NEGR1: variants seen among roughly 807,000 people sequenced by gnomAD.
The protein encoded by NEGR1 is IgLON family member 4.
NEGR1 carries 10 observed loss-of-function variants against 40.9 expected under a neutral mutation model. The observed-to-expected ratio is 0.24, with a 90% confidence interval of 0.15 to 0.42. The LOEUF is 0.42. NEGR1 is among the 10% of genes least tolerant of loss of function. The probability of loss-of-function intolerance (pLI) is 1.00; values close to 1 mark genes in which losing one functional copy is unlikely to be tolerated. For synonymous variants in NEGR1, 185 were observed against 166.8 expected, an observed-to-expected ratio of 1.11 and a Z score of -0.84; for missense variants, 352 against 438.9, an observed-to-expected ratio of 0.80 and a Z score of 1.77.
intron 1 of NEGR1, among the ~76,000 whole-genome samples, chr1:72,015,662 C>T (rs114852292): frequency 0.023 from 3,466 of 151,964 alleles, 121 homozygotes; most frequent in African/African-American, 0.079. Flanking sequence ...AAAGTGAGAC[C>T]GTGTCTCAAA....
chr1:71,660,658 C>T (rs1210866737), intron 4 of NEGR1, among the ~76,000 whole-genome samples: 2 of 152,122 alleles, frequency 1.3e-5, no homozygotes, highest in South Asian at 2.1e-4. Context: ...GAATTCTACA[C>T]ATATCTAACA....
intron 6 of NEGR1, among the ~76,000 whole-genome samples, chr1:71,493,654 G>C (rs1416927603): frequency 6.6e-6 from 1 of 152,026 alleles, no homozygotes; most frequent in Non-Finnish European, 1.5e-5. Flanking sequence ...ACACTTTTTA[G>C]CATTATTTAA....
intron 2 of NEGR1, among the ~76,000 whole-genome samples, chr1:71,926,368 G>A (rs1211242284): frequency 1.3e-5 from 2 of 151,246 alleles, no homozygotes; most frequent in Non-Finnish European, 2.9e-5. Context: ...GATAAAGTAG[G>A]GCAACATTTC....
At chr1:71,614,438 C>T (rs1650376484) in intron 4 of NEGR1, among the ~76,000 whole-genome samples, 1 of 151,978 alleles carries the variant, frequency 6.6e-6, no homozygotes, top group African/African-American at 2.4e-5. Context: ...CTGCAAAAGC[C>T]AATTAAATAT....
At chr1:72,247,419 G>T (rs1183997606) in intron 1 of NEGR1, among the ~76,000 whole-genome samples, 1 of 152,174 alleles carries the variant, frequency 6.6e-6, no homozygotes, top group Non-Finnish European at 1.5e-5. Flanking sequence ...AAGCAGCCAA[G>T]TCACATCTCA....
At chr1:71,761,716 C>T (rs1655948006) in intron 3 of NEGR1, among the ~76,000 whole-genome samples, 1 of 151,882 alleles carries the variant, frequency 6.6e-6, no homozygotes, top group Non-Finnish European at 1.5e-5. Context: ...ACCAAAATAT[C>T]CTTCAGAAAT....
chr1:72,116,062 G>A (rs1036179774), intron 1 of NEGR1, among the ~76,000 whole-genome samples: 6 of 151,694 alleles, frequency 4.0e-5, no homozygotes, highest in Non-Finnish European at 5.9e-5. Context: ...ATGTCAGCAA[G>A]GAGATCACCC....
intron 2 of NEGR1, among the ~76,000 whole-genome samples, chr1:71,786,092 C>A (rs910158659): frequency 6.6e-6 from 1 of 151,600 alleles, no homozygotes; most frequent in African/African-American, 2.4e-5. Context: ...AATATACATT[C>A]ACTGAAAAGA....
chr1:71,752,168 T>C (rs900850265), intron 3 of NEGR1, among the ~76,000 whole-genome samples: 1 of 152,198 alleles, frequency 6.6e-6, no homozygotes, highest in African/African-American at 2.4e-5. Context: ...GTTCTTTAAA[T>C]AAGAGATGGG....
At chr1:71,535,715 T>C (rs533519768) in intron 6 of NEGR1, among the ~76,000 whole-genome samples, 2 of 151,572 alleles carry the variant, frequency 1.3e-5, no homozygotes, top group African/African-American at 4.8e-5. Context: ...ACAAAGAGAT[T>C]TGGAAAAGCT....
intron 6 of NEGR1, among the ~76,000 whole-genome samples, chr1:71,465,375 T>C (rs1295431925): frequency 6.6e-6 from 1 of 152,136 alleles, no homozygotes; most frequent in Non-Finnish European, 1.5e-5. Flanking sequence ...TATTTCAGTA[T>C]CTGAGTGGTG....
intron 1 of NEGR1, among the ~76,000 whole-genome samples, chr1:72,184,076 T>C (rs993643398): frequency 3.3e-5 from 5 of 152,118 alleles, no homozygotes; most frequent in African/African-American, 9.6e-5. Flanking sequence ...TAGTTTTTCT[T>C]AGTTGTCTTG....
intron 2 of NEGR1, among the ~76,000 whole-genome samples, chr1:71,871,484 C>A (rs756351301): frequency 6.6e-6 from 1 of 152,094 alleles, no homozygotes; most frequent in Non-Finnish European, 1.5e-5. Context: ...CTTTTTCATG[C>A]GGCATCCCAG....
At chr1:71,865,500 C>A (rs1488113580) in intron 2 of NEGR1, among the ~76,000 whole-genome samples, 2 of 152,112 alleles carry the variant, frequency 1.3e-5, no homozygotes, top group Non-Finnish European at 2.9e-5. Flanking sequence ...AAACCAAACA[C>A]CGCCTGTTCT....
At chr1:71,839,936 T>G (rs573616651) in intron 2 of NEGR1, among the ~76,000 whole-genome samples, 26 of 152,312 alleles carry the variant, frequency 1.7e-4, no homozygotes, top group African/African-American at 6.0e-4. Flanking sequence ...TTTGAGATTC[T>G]TAGTGGCGAT....
intron 3 of NEGR1, among the ~76,000 whole-genome samples, chr1:71,739,572 A>G (rs1447629302): frequency 3.3e-5 from 5 of 152,268 alleles, no homozygotes; most frequent in South Asian, 4.1e-4. Flanking sequence ...CCGAAAAATG[A>G]GTATTTCCCT....
chr1:71,713,842 C>G (rs2101646143), intron 3 of NEGR1, among the ~76,000 whole-genome samples: 1 of 152,116 alleles, frequency 6.6e-6, no homozygotes, highest in South Asian at 2.1e-4. Flanking sequence ...TTATAGATGT[C>G]TTTGTAAAAA....
chr1:71,725,122 C>G (rs544934001), intron 3 of NEGR1, among the ~76,000 whole-genome samples: 1 of 152,222 alleles, frequency 6.6e-6, no homozygotes, highest in East Asian at 1.9e-4. Flanking sequence ...AATCTGGTAT[C>G]TATTATATTA....
At chr1:72,142,761 G>C (rs924093793) in intron 1 of NEGR1, among the ~76,000 whole-genome samples, 1 of 150,454 alleles carries the variant, frequency 6.6e-6, no homozygotes, top group African/African-American at 2.4e-5. Context: ...TTTTTTGTTT[G>C]TTTGTTTGTT....
Sources: gnomAD v4.1 joint callset for allele counts (sites outside exome capture counted in the v4.1 genomes callset) on GRCh38, gnomAD v4.1.1 for gene constraint, MANE v1.5 for transcripts, NCBI Gene and HGNC (gene_info 2026-07-23, HGNC 2026-07-21) for gene names.